Variants in PCDH15 observed in about 807,000 individuals in gnomAD.
PCDH15 encodes protocadherin-15.
PCDH15 carries 129 observed loss-of-function variants against 178.5 expected under a neutral mutation model. The ratio of observed to expected loss-of-function variants is 0.72; its 90% CI spans 0.63 to 0.84. The LOEUF (loss-of-function observed/expected upper bound fraction) is 0.84, where lower values mean the gene tolerates loss of function less well. PCDH15 is among the 40% of genes least tolerant of loss of function. The probability of loss-of-function intolerance (pLI) is 0.00; values close to 1 mark genes in which losing one functional copy is unlikely to be tolerated. For synonymous variants in PCDH15, 800 were observed against 732.0 expected (o/e 1.09, Z -1.50); for missense variants, 2,230 against 2,099.9 (o/e 1.06, Z -1.21).
At chr10:54,513,733 T>C (rs1321077149) in intron 3 of PCDH15, among the ~76,000 whole-genome samples, 1 of 152,194 alleles carries the variant, frequency 6.6e-6, no homozygotes, top group African/African-American at 2.4e-5. Context: ...TTAAGTCTGA[T>C]GCAGCTGTTA....
At chr10:55,058,105 G>T (rs1841348525) in intron 2 of PCDH15, among the ~76,000 whole-genome samples, 1 of 152,050 alleles carries the variant, frequency 6.6e-6, no homozygotes, top group Non-Finnish European at 1.5e-5. Context: ...AAAGATGCTA[G>T]ATACAAAATA....
intron 3 of PCDH15, among the ~76,000 whole-genome samples, chr10:54,503,934 C>G (rs1235907599): frequency 6.6e-6 from 1 of 151,936 alleles, no homozygotes; most frequent in African/African-American, 2.4e-5. Context: ...GAGGCCAATG[C>G]ACAGTGTCCG....
intron 2 of PCDH15, among the ~76,000 whole-genome samples, chr10:55,623,325 G>T (rs988572741): frequency 6.6e-6 from 1 of 152,054 alleles, no homozygotes; most frequent in African/African-American, 2.4e-5. Context: ...TTTTTTTGTT[G>T]TTGTTTTGTT....
At chr10:55,098,854 AAC>A (rs1396626676) in intron 2 of PCDH15, among the ~76,000 whole-genome samples, 1 of 148,844 alleles carries the variant, frequency 6.7e-6, no homozygotes. Flanking sequence ...GAATACAGAT[AAC>A]ACTTTTGAGT....
At chr10:54,254,266 C>T (rs1352625870) in intron 8 of PCDH15, among the ~76,000 whole-genome samples, 1 of 152,024 alleles carries the variant, frequency 6.6e-6, no homozygotes, top group African/African-American at 2.4e-5. Flanking sequence ...TGATGCAAGT[C>T]TCACATTGAC....
intron 14 of PCDH15, 152 bp downstream of exon 14, chr10:54,152,948 A>C: frequency 1.0e-5 from 9 of 873,588 alleles, no homozygotes; most frequent in Non-Finnish European, 1.6e-5. Context: ...AAATCAGAAT[A>C]TGCATGCAGT....
intron 3 of PCDH15, among the ~76,000 whole-genome samples, chr10:54,876,590 C>T (rs1954148589): frequency 6.6e-6 from 1 of 152,090 alleles, no homozygotes. Context: ...TTGATTCCAA[C>T]TTCATGAATG....
intron 3 of PCDH15, among the ~76,000 whole-genome samples, chr10:54,864,066 G>A (rs1465385817): frequency 6.6e-6 from 1 of 152,058 alleles, no homozygotes; most frequent in South Asian, 2.1e-4. Flanking sequence ...GTAGCTCCCA[G>A]AAAATCTAAA....
chr10:54,195,854 A>C lies in PCDH15; in HGVS notation c.1134T>G (p.Phe378Leu), dbSNP rs760724101. The change falls in exon 11 of 38, where the codon TTT becomes TTG. Residue 378 changes from phenylalanine (F) to leucine (L), a missense_variant. Physicochemically the swap from Phe to Leu is conservative, Grantham distance 22. Transcript: ENST00000644397. ...EQDNGHPLPA[F>L]AGLHIEILDE... is the part of the protein sequence containing the mutation. ...CCAGTATTTCAATGTGTAGACCGGCAAAGGCAGGAAGAGGATGACCATTGT... is the reference window on the plus strand; with the variant it reads ...CCAGTATTTCAATGTGTAGACCGGCCAAGGCAGGAAGAGGATGACCATTGT... 6.2e-6 allele frequency: 10 copies of C among 1,613,744 alleles called. No individual in the cohort carries two copies. In the East Asian group the frequency reaches 1.8e-4, roughly 29 times the overall value.
At chr10:53,988,428 A>C (rs1004974225) in intron 21 of PCDH15, among the ~76,000 whole-genome samples, 2 of 152,172 alleles carry the variant, frequency 1.3e-5, no homozygotes, top group Non-Finnish European at 2.9e-5. Flanking sequence ...ATCATTTAAA[A>C]TTTAATTTGT....
chr10:53,880,859 G>T (rs1017654176), intron 26 of PCDH15, among the ~76,000 whole-genome samples: 1 of 151,912 alleles, frequency 6.6e-6, no homozygotes, highest in East Asian at 1.9e-4. Context: ...CTGTCTCCTC[G>T]AATTTATATA....
At chr10:54,268,563 T>C (rs948306722) in intron 8 of PCDH15, among the ~76,000 whole-genome samples, 10 of 151,906 alleles carry the variant, frequency 6.6e-5, no homozygotes, top group Non-Finnish European at 1.3e-4. Context: ...ATATATACCA[T>C]GGAATACTAT....
chr10:55,259,851 G>A (rs1230537445), intron 1 of PCDH15, among the ~76,000 whole-genome samples: 2 of 134,804 alleles, frequency 1.5e-5, no homozygotes, highest in Non-Finnish European at 3.1e-5. Context: ...GAGGTGAGCC[G>A]AGATTGCACC....
chr10:54,008,250 C>G (rs2092450218), intron 20 of PCDH15, among the ~76,000 whole-genome samples: 1 of 152,134 alleles, frequency 6.6e-6, no homozygotes, highest in African/African-American at 2.4e-5. Flanking sequence ...TTGCATGAGT[C>G]AGGACGCCTT....
At chr10:54,688,032 T>C (rs1308579908) in intron 1 of PCDH15, among the ~76,000 whole-genome samples, 1 of 152,038 alleles carries the variant, frequency 6.6e-6, no homozygotes, top group Non-Finnish European at 1.5e-5. Flanking sequence ...ACGTTAAGCA[T>C]TCTAACCACA....
chr10:55,408,008 A>G (rs565452759), intron 2 of PCDH15, among the ~76,000 whole-genome samples: 17 of 152,110 alleles, frequency 1.1e-4, no homozygotes, highest in Non-Finnish European at 2.2e-4. Flanking sequence ...GGCACCAAAA[A>G]TGTGCTCTCC....
chr10:53,923,625 T>C (rs1382158121), intron 25 of PCDH15, among the ~76,000 whole-genome samples: 1 of 152,240 alleles, frequency 6.6e-6, no homozygotes, highest in Non-Finnish European at 1.5e-5. Flanking sequence ...CCATGTTTTC[T>C]TCCACATACA....
At chr10:54,353,479 CA>C (rs1209114952) in intron 5 of PCDH15, among the ~76,000 whole-genome samples, 1 of 152,074 alleles carries the variant, frequency 6.6e-6, no homozygotes, top group East Asian at 1.9e-4. Flanking sequence ...AACACCTACA[CA>C]AAAAATATAA....
At position 54,822,763 on chromosome 10, in the gene PCDH15, T is replaced by C. The variant is rs114902820; in HGVS notation, c.-29+74687A>G. On this transcript the variant is annotated intron_variant, in intron 3 of 5. Coordinates refer to the PCDH15 transcript ENST00000458638. ...TTACATTCCTGCGAACAGGAATACTTCCCTTCCTTTACATCATTGCCAGCA... is the reference window on the plus strand; with the variant it reads ...TTACATTCCTGCGAACAGGAATACTCCCCTTCCTTTACATCATTGCCAGCA... Among the ~76,000 whole-genome samples, 558 of 152,180 alleles carry C rather than the reference T, an allele frequency of 3.7e-3. 1 individual carries two copies. The highest frequency in any genetic ancestry group is 0.013 in the African/African-American group (536 of 41,540).
Sources: allele counts gnomAD v4.1 joint callset (sites outside exome capture counted in the v4.1 genomes callset), GRCh38; gene constraint gnomAD v4.1.1; transcripts MANE v1.5; gene names NCBI Gene and HGNC (gene_info 2026-07-23, HGNC 2026-07-21).